Variants in SLC27A1 observed in about 807,000 individuals in gnomAD.
The protein encoded by SLC27A1 is solute carrier family 27 member 1.
SLC27A1 carries 61 observed loss-of-function variants against 62.2 expected under a neutral mutation model. The ratio of observed to expected loss-of-function variants is 0.98; its 90% CI spans 0.80 to 1.21. The LOEUF (loss-of-function observed/expected upper bound fraction) is 1.21. Among genes scored for constraint, SLC27A1 ranks in the 50% most tolerant of loss-of-function variants. SLC27A1 has a pLI of 0.00. For synonymous variants in SLC27A1, 435 were observed against 408.6 expected, an observed-to-expected ratio of 1.06 and a Z score of -0.78; for missense variants, 903 against 932.1, an observed-to-expected ratio of 0.97 and a Z score of 0.41.
intron 11 of SLC27A1, among the ~76,000 whole-genome samples, 192 bp from the exon 12 acceptor site, chr19:17,504,263 G>T (rs892210306): frequency 6.6e-6 from 1 of 152,150 alleles, no homozygotes; most frequent in Non-Finnish European, 1.5e-5. Flanking sequence ...GGTTAGGGAG[G>T]CCTCACTGGA....
intron 2 of SLC27A1, 67 bp from the exon 3 acceptor site, chr19:17,487,107 G>T: frequency 6.2e-7 from 1 of 1,606,452 alleles, no homozygotes; most frequent in Non-Finnish European, 8.5e-7. Flanking sequence ...CAGGGAGTTG[G>T]TGCATCCCAG....
chr19:17,500,834 C>T lies in SLC27A1; in HGVS notation c.1594C>T (p.Leu532=). 1 of 1,610,992 alleles carries T rather than the reference C, an allele frequency of 6.2e-7. No homozygotes were observed. The highest frequency in any genetic ancestry group is 8.5e-7 in the Non-Finnish European group (1 of 1,179,094). ...TEVEGVLSRL[L]GQTDVAVYGV... is the part of the protein sequence containing the mutation. ...GGTGGAGGGCGTGCTGAGCCGCCTG[C>T]TGGGCCAGACAGACGTGGCCGTCTA... is the stretch of plus-strand genomic sequence containing the variant. The change falls in exon 10 of 12, where the codon CTG becomes TTG. Residue 532 remains leucine, a synonymous_variant. Coordinates refer to ENST00000252595, the MANE Select transcript of SLC27A1 (RefSeq NM_198580.3).
chr19:17,470,658 G>T lies in SLC27A1; in HGVS notation c.118G>T (p.Gly40Cys). ...GCTCGGCGTGTACGTGGGCAGCGGC[G>T]GCTGGCGCTTCCTGCGCATCGTCTG... Reference protein sequence around the residue: ...AALGVYVGSGGWRFLRIVCKT... With the variant: ...AALGVYVGSGCWRFLRIVCKT... Residue 40 changes from glycine to cysteine, a missense_variant, in exon 1 of 12, where the codon GGC (glycine) becomes TGC (cysteine). Coordinates refer to ENST00000252595, the MANE Select transcript of SLC27A1 (RefSeq NM_198580.3). 4 of 1,578,936 alleles carry T rather than the reference G, an allele frequency of 2.5e-6. No individual in the cohort carries two copies. Among genetic ancestry groups the T allele is most frequent in the Non-Finnish European group, 2.6e-6 (3 of 1,169,282 alleles).
At position 17,488,888 on chromosome 19, in the gene SLC27A1, A is replaced by C. The variant is rs1260835704; in HGVS notation, c.835A>C (p.Met279Leu). ...AGCCTTCGGCCACCACGCCTACCGC[A>C]TGCAGGCGGCTGACGTGCTCTATGA... is the stretch of plus-strand genomic sequence containing the variant. ...MAAFGHHAYR[M>L]QAADVLYDCL... Residue 279 changes from methionine (M) to leucine (L), a missense_variant, in exon 5 of 12, where the codon ATG becomes CTG. Coordinates refer to ENST00000252595, the MANE Select transcript of SLC27A1 (RefSeq NM_198580.3). 2 of 1,614,050 alleles carry C rather than the reference A, an allele frequency of 1.2e-6. No homozygotes were observed. Among genetic ancestry groups the C allele is most frequent in the South Asian group, 1.1e-5 (1 of 91,070 alleles).
upstream of SLC27A1, chr19:17,470,421 G>C: frequency 2.5e-6 from 3 of 1,214,608 alleles, no homozygotes; most frequent in Non-Finnish European, 3.2e-6. Context: ...CTCGCGGGGG[G>C]CGCAGAGCCG....
chr19:17,492,470 T>G (rs2144593110), intron 6 of SLC27A1: 1 of 151,858 alleles, frequency 6.6e-6, no homozygotes, highest in Non-Finnish European at 1.5e-5. Flanking sequence ...GGATGGGAAA[T>G]TAGCTAGGCA....
rs2075468059 is a variant in SLC27A1, at chr19:17,505,366, C to T, written c.*754C>T. On this transcript the variant is annotated 3_prime_UTR_variant, in exon 12 of 12. Coordinates refer to ENST00000252595, the MANE Select transcript of SLC27A1 (RefSeq NM_198580.3). ...GGCTGTGCCTTACGGAGCCCCGATC[C>T]AGGCCTCCTGTGGCTGTTGGGTTCC... The T allele has an allele frequency of 6.2e-6, 1 of 160,774 alleles. No homozygotes were observed. The highest frequency in any genetic ancestry group is 5.8e-5 in the Admixed American group (1 of 17,096). 10.0% of individuals were successfully genotyped at this position (160,774 alleles called of 1,614,324 possible). A position where few individuals can be genotyped will look rare whatever the true frequency, so the allele number is the denominator to read the frequency against.
chr19:17,497,741 CCTTT>C, intron 7 of SLC27A1: 1 of 459,802 alleles, frequency 2.2e-6, no homozygotes, highest in Non-Finnish European at 3.9e-6. Context: ...AGTGCCTCAG[CCTTT>C]CTGAGCCTCA....
chr19:17,501,831 G>GCC (rs1169442375), intron 11 of SLC27A1, among the ~76,000 whole-genome samples: 8 of 147,154 alleles, frequency 5.4e-5, no homozygotes, highest in Non-Finnish European at 9.0e-5. Flanking sequence ...AGAATACCTG[G>GCC]CCGGGTGTGG....
intron 6 of SLC27A1, among the ~76,000 whole-genome samples, chr19:17,492,703 C>T (rs1018885572): frequency 1.3e-5 from 2 of 151,284 alleles, no homozygotes; most frequent in East Asian, 2.0e-4. Flanking sequence ...TTTGGGAGGC[C>T]GAGGCGGGTG....
intron 1 of SLC27A1, among the ~76,000 whole-genome samples, chr19:17,485,602 G>T (rs1304893571): frequency 1.3e-5 from 2 of 151,922 alleles, no homozygotes; most frequent in African/African-American, 2.4e-5. Context: ...GGCCAGGGCT[G>T]GTGGATTACC....
In SLC27A1 at chr19:17,472,044, C is replaced by G. The variant is rs895706508; in HGVS notation, c.167+1337C>G. On this transcript the variant is annotated intron_variant, in intron 1 of 11. Coordinates refer to ENST00000252595, the MANE Select transcript of SLC27A1 (RefSeq NM_198580.3). ...CCAGGGCAGGCTCTCCCTCTGGGAA[C>G]CTTTGCTGAATTTTCCTGCTCAGCA... Among the ~76,000 whole-genome samples the G allele has an allele frequency of 2.0e-5, 3 of 152,186 alleles. No homozygotes were observed. In the South Asian group the frequency reaches 6.2e-4, roughly 31 times the overall value.
intron 7 of SLC27A1, chr19:17,498,411 G>A (rs977906914): frequency 6.5e-6 from 1 of 154,010 alleles, no homozygotes; most frequent in African/African-American, 2.4e-5. Flanking sequence ...ATGGGGGCTG[G>A]GTCCTTAATG....
chr19:17,504,715 C>A lies in SLC27A1; in HGVS notation c.*103C>A. 1 of 1,448,390 alleles carries A rather than the reference C, an allele frequency of 6.9e-7. No individual in the cohort carries two copies. Among genetic ancestry groups the A allele is most frequent in the Non-Finnish European group, 9.5e-7 (1 of 1,053,630 alleles). 89.7% of individuals were successfully genotyped at this position (1,448,390 alleles called of 1,614,324 possible). A position where few individuals can be genotyped will look rare whatever the true frequency, so the allele number is the denominator to read the frequency against. Reference sequence around the variant, plus strand: ...GGCCGCCTAGTACACACCCACCTGGCCGAGCTGTACCTGGCACGGCCCATC... The same window carrying A: ...GGCCGCCTAGTACACACCCACCTGGACGAGCTGTACCTGGCACGGCCCATC... On this transcript the variant is annotated 3_prime_UTR_variant, in exon 12 of 12. Transcript: ENST00000252595.
At chr19:17,469,508 T>G (rs145886816), upstream of SLC27A1, among the ~76,000 whole-genome samples, 40 of 151,820 alleles carry the variant, frequency 2.6e-4, no homozygotes, top group Non-Finnish European at 4.6e-4. Context: ...GCAGGACACG[T>G]GTGTTTCCTA....
rs756344605 is a variant in SLC27A1 at position 17,497,407 on chromosome 19, C to T, written c.1149C>T (p.Ile383=). The change falls in exon 7 of 12, where the codon ATC becomes ATT. Residue 383 remains isoleucine (I), a synonymous_variant. Transcript: ENST00000252595. ...CGGAGCGCTTCGGCGTACGCCAAAT[C>T]GGGGAGTTCTACGGCGCCACCGAGT... ...EFTERFGVRQ[I]GEFYGATECN... is the part of the protein sequence containing the mutation. The T allele has an allele frequency of 6.9e-6, 11 of 1,604,034 alleles. No homozygotes were observed. The highest frequency in any genetic ancestry group is 9.3e-6 in the Non-Finnish European group (11 of 1,176,992).
At chr19:17,471,713 A>G (rs2075078358) in intron 1 of SLC27A1, among the ~76,000 whole-genome samples, 3 of 152,214 alleles carry the variant, frequency 2.0e-5, no homozygotes, top group Non-Finnish European at 4.4e-5. Flanking sequence ...GAGATGGGAA[A>G]GATCCCACCG....
chr19:17,500,679 C>A, intron 9 of SLC27A1, 33 bp from the exon 10 acceptor site: 3 of 1,614,074 alleles, frequency 1.9e-6, no homozygotes, highest in Non-Finnish European at 2.5e-6. Context: ...GGATGGGGAT[C>A]CTCCACCCAT....
intron 6 of SLC27A1, chr19:17,496,391 C>CG (rs1568421625): frequency 1.6e-5 from 2 of 125,186 alleles, no homozygotes; most frequent in African/African-American, 5.8e-5. Flanking sequence ...GAAGCTCTTG[C>CG]GGGGCTTGAG....
Sources: gnomAD v4.1 joint callset for allele counts (sites outside exome capture counted in the v4.1 genomes callset) on GRCh38, gnomAD v4.1.1 for gene constraint, MANE v1.5 for transcripts, NCBI Gene and HGNC (gene_info 2026-07-23, HGNC 2026-07-21) for gene names.